The following AK8 variants were observed in gnomAD, a reference collection of about 807,000 sequenced individuals.
AK8 encodes adenylate kinase 8.
AK8 carries 44 observed loss-of-function variants against 54.6 expected under a neutral mutation model. The ratio of observed to expected loss-of-function variants is 0.81; its 90% CI spans 0.63 to 1.04. The LOEUF (loss-of-function observed/expected upper bound fraction) is 1.04. Among genes scored for constraint, AK8 ranks in the 50% least tolerant of loss-of-function variants. The probability of loss-of-function intolerance (pLI) is 0.00; values close to 1 mark genes in which losing one functional copy is unlikely to be tolerated. For synonymous variants in AK8, 239 were observed against 245.6 expected (o/e 0.97, Z 0.25); for missense variants, 555 against 613.6 (o/e 0.90, Z 1.01).
rs769817268 is a variant in AK8, at chr9:132,790,255, CT to C, written c.1121+2378del. Among the ~76,000 whole-genome samples the C allele has an allele frequency of 1.5e-3, 225 of 145,488 alleles. No individual in the cohort carries two copies. The highest frequency in any genetic ancestry group is 1.5e-3 in the Non-Finnish European group (97 of 65,654). ...GATTTTAAATCACGGAGCTATACTT[CT>C]TTTTTTTTTTTTGAGACGGAGTCTC... is the stretch of plus-strand genomic sequence containing the variant. On this transcript the variant is annotated intron_variant, in intron 11 of 12. Transcript: ENST00000298545. The surrounding 1 kb of genome is among the most constrained non-coding windows in gnomAD (Gnocchi z 4.1).
chr9:132,869,503 G>A (rs1271291508), intron 2 of AK8, among the ~76,000 whole-genome samples: 1 of 152,224 alleles, frequency 6.6e-6, no homozygotes, highest in Non-Finnish European at 1.5e-5. Context: ...CTCTGGACTC[G>A]CCTGGCAGGG....
At chr9:132,852,967 G>A (rs1843028149) in intron 5 of AK8, among the ~76,000 whole-genome samples, 1 of 151,848 alleles carries the variant, frequency 6.6e-6, no homozygotes, top group Non-Finnish European at 1.5e-5. Flanking sequence ...CAAGTTTGGA[G>A]GAAAATACAA....
chr9:132,856,787 G>A (rs1048404378), intron 4 of AK8, among the ~76,000 whole-genome samples: 10 of 152,162 alleles, frequency 6.6e-5, no homozygotes, highest in Non-Finnish European at 8.8e-5. Context: ...GGTGTGGAAC[G>A]GAATGAAACC....
intron 5 of AK8, among the ~76,000 whole-genome samples, chr9:132,841,050 T>C (rs1319552000): frequency 6.6e-6 from 1 of 152,186 alleles, no homozygotes; most frequent in Non-Finnish European, 1.5e-5. Flanking sequence ...CTGGGCACAG[T>C]GCTAAGTGCT....
At chr9:132,810,321 CTT>C (rs946779099) in intron 10 of AK8, among the ~76,000 whole-genome samples, 1 of 148,160 alleles carries the variant, frequency 6.7e-6, no homozygotes, top group Non-Finnish European at 1.5e-5. Flanking sequence ...GTCTCGCTAA[CTT>C]TATAGAAAAT....
At chr9:132,805,819 A>G (rs1840695613) in intron 10 of AK8, among the ~76,000 whole-genome samples, 1 of 151,970 alleles carries the variant, frequency 6.6e-6, no homozygotes, top group Non-Finnish European at 1.5e-5. Context: ...ACTCCTACCT[A>G]GTTTCCATGA....
intron 11 of AK8, among the ~76,000 whole-genome samples, chr9:132,778,371 T>C (rs935564922): frequency 6.6e-6 from 1 of 152,200 alleles, no homozygotes; most frequent in Non-Finnish European, 1.5e-5. Context: ...TTGCTGCTGA[T>C]TCCAACTCCA....
intron 4 of AK8, among the ~76,000 whole-genome samples, chr9:132,862,844 G>A (rs1843443898): frequency 6.6e-6 from 1 of 152,130 alleles, no homozygotes; most frequent in Admixed American, 6.5e-5. Flanking sequence ...GAGAACACAG[G>A]AGACAAGAAT....
At chr9:132,746,157 G>T (rs992051843) in intron 11 of AK8, among the ~76,000 whole-genome samples, 11 of 129,078 alleles carry the variant, frequency 8.5e-5, no homozygotes, top group Non-Finnish European at 9.8e-5. Flanking sequence ...CCTCTGAGAT[G>T]GTTCTATTCT....
chr9:132,792,744 G>T lies in AK8; in HGVS notation c.1011C>A (p.Ser337Arg). The change falls in exon 11 of 13, where the codon AGC (serine) becomes AGA (arginine). Residue 337 changes from serine to arginine, a missense_variant. Coordinates refer to ENST00000298545, the MANE Select transcript of AK8 (RefSeq NM_152572.3). Reference sequence around the variant, plus strand: ...TGCAGTCCTGCTGGTCCAGGCGCTGGCTCAGCACCTTCATGAGGAGGCTGT... The same window carrying T: ...TGCAGTCCTGCTGGTCCAGGCGCTGTCTCAGCACCTTCATGAGGAGGCTGT... ...VPDSLLMKVL[S>R]QRLDQQDCIQ... 1.3e-6 allele frequency: 2 copies of T among 1,559,902 alleles called. No individual in the cohort carries two copies. The highest frequency in any genetic ancestry group is 1.7e-6 in the Non-Finnish European group (2 of 1,152,108).
At chr9:132,841,718 C>A (rs530465168) in intron 5 of AK8, among the ~76,000 whole-genome samples, 1 of 152,282 alleles carries the variant, frequency 6.6e-6, no homozygotes, top group East Asian at 1.9e-4. Flanking sequence ...GGGATGATTT[C>A]TGTAGATGGC....
chr9:132,851,447 C>T (rs1270762450), intron 5 of AK8, among the ~76,000 whole-genome samples: 2 of 152,130 alleles, frequency 1.3e-5, no homozygotes, highest in Non-Finnish European at 2.9e-5. Context: ...GCCAAAATAC[C>T]AAAAAGAGGA....
In AK8 at chr9:132,799,163, G is replaced by A. The variant is rs904902703; in HGVS notation, c.980-6388C>T. ...AGGCACCAGAGGCCCCTCCTGCTGC[G>A]CCACGCCGCCGCCTGCTGTCCGCAC... On this transcript the variant is annotated intron_variant, in intron 10 of 12. Coordinates refer to ENST00000298545, the MANE Select transcript of AK8 (RefSeq NM_152572.3). The surrounding 1 kb of genome is among the most constrained non-coding windows in gnomAD (Gnocchi z 5.0). Among the ~76,000 whole-genome samples, 5 of 152,132 alleles carry A rather than the reference G, an allele frequency of 3.3e-5. No homozygotes were observed. The highest frequency in any genetic ancestry group is 6.6e-5 in the Admixed American group (1 of 15,260).
At chr9:132,835,875 G>A (rs1842303623) in intron 5 of AK8, among the ~76,000 whole-genome samples, 1 of 152,168 alleles carries the variant, frequency 6.6e-6, no homozygotes, top group African/African-American at 2.4e-5. Context: ...TGTAATCCCA[G>A]CACTTTGGGA....
chr9:132,748,168 G>A, intron 11 of AK8, among the ~76,000 whole-genome samples: 1 of 151,944 alleles, frequency 6.6e-6, no homozygotes, highest in East Asian at 1.9e-4. Context: ...GGAAAAGTGT[G>A]CATTTTCAGC....
intron 1 of AK8, among the ~76,000 whole-genome samples, chr9:132,876,104 G>A (rs1281310671): frequency 6.6e-6 from 1 of 152,204 alleles, no homozygotes; most frequent in Non-Finnish European, 1.5e-5. Flanking sequence ...GGAGTGAAGG[G>A]AGTGTGGGGC....
At chr9:132,853,810 T>TAAAAAAAAAAAAAAAAAA (rs1843065733) in intron 5 of AK8, among the ~76,000 whole-genome samples, 1 of 94,130 alleles carries the variant, frequency 1.1e-5, no homozygotes. Context: ...AAAAAAAAAG[T>TAAAAAAAAAAAAAAAAAA]AAACAGAGTG....
chr9:132,755,292 T>C (rs1189016613), intron 11 of AK8, among the ~76,000 whole-genome samples: 1 of 152,136 alleles, frequency 6.6e-6, no homozygotes, highest in Non-Finnish European at 1.5e-5. Context: ...CTATGGTATC[T>C]CCCAGGTGCC....
intron 11 of AK8, among the ~76,000 whole-genome samples, chr9:132,738,733 C>T (rs575273379): frequency 6.0e-5 from 9 of 149,388 alleles, no homozygotes; most frequent in East Asian, 4.0e-4. Flanking sequence ...CAACAAACAA[C>T]GCAGAAATAT....
Sources: allele counts gnomAD v4.1 joint callset (sites outside exome capture counted in the v4.1 genomes callset), GRCh38; gene constraint gnomAD v4.1.1; non-coding constraint Gnocchi (gnomAD v3.1); transcripts MANE v1.5; gene names NCBI Gene and HGNC (gene_info 2026-07-23, HGNC 2026-07-21).